TMCO4: variants seen among roughly 807,000 people sequenced by gnomAD.
TMCO4 encodes transmembrane and coiled-coil domains 4.
In TMCO4, 58 loss-of-function variants were observed where a neutral mutation model predicts 64.7. The ratio of observed to expected loss-of-function variants is 0.90; its 90% confidence interval spans 0.73 to 1.12. The LOEUF is 1.12. Ranked by LOEUF, TMCO4 falls within the 50% of genes most tolerant of loss-of-function variation. The pLI, the probability that TMCO4 is intolerant of heterozygous loss-of-function variation, is 0.00. For missense variants in TMCO4, 780 were observed against 825.9 expected (o/e 0.94, Z 0.68); for synonymous variants, 325 against 346.1 (o/e 0.94, Z 0.68).
At chr1:19,770,618 A>G in intron 5 of TMCO4, 49 bp from the exon 6 acceptor site, 1 of 1,581,314 alleles carries the variant, frequency 6.3e-7, no homozygotes, top group Middle Eastern at 1.7e-4. Context: ...TATACGATAC[A>G]GCGCGCTCAT....
chr1:19,759,958 T>G (rs111378424), intron 6 of TMCO4, among the ~76,000 whole-genome samples: 5 of 152,318 alleles, frequency 3.3e-5, no homozygotes, highest in African/African-American at 1.2e-4. Flanking sequence ...GCCAGGGTTC[T>G]GTGCTGTGGC....
chr1:19,734,801 C>A lies in TMCO4; in HGVS notation c.1264+2571G>T. On this transcript the variant is annotated intron_variant, in intron 13 of 15. Transcript: ENST00000294543. The surrounding 1 kb of genome is among the most constrained non-coding windows in gnomAD (Gnocchi z 4.4). ...CCCTGGGCCTGAATCCTGGCTCTGG[C>A]ACTTAGGATTCTTGTGGCTTCACCT... Among the ~76,000 whole-genome samples, 1 of 152,126 alleles carries A rather than the reference C, an allele frequency of 6.6e-6. No homozygotes were observed. The highest frequency in any genetic ancestry group is 1.9e-4 in the East Asian group (1 of 5,176).
intron 13 of TMCO4, among the ~76,000 whole-genome samples, chr1:19,720,606 T>C (rs537924588): frequency 2.8e-4 from 43 of 152,222 alleles, no homozygotes; most frequent in Non-Finnish European, 4.7e-4. Flanking sequence ...TGCCTGCAAA[T>C]CTTTTGGGGG....
At chr1:19,749,378 C>G (rs1283894032) in intron 7 of TMCO4, among the ~76,000 whole-genome samples, 1 of 149,878 alleles carries the variant, frequency 6.7e-6, no homozygotes, top group African/African-American at 2.5e-5. Flanking sequence ...TTTTCCCTTT[C>G]TTTTTTTGAG....
At chr1:19,784,265 A>G (rs897037898) in intron 3 of TMCO4, among the ~76,000 whole-genome samples, 12 of 152,278 alleles carry the variant, frequency 7.9e-5, no homozygotes, top group South Asian at 2.1e-4. Flanking sequence ...TGGGCGCGGT[A>G]GCTCACGCCT....
At chr1:19,726,363 C>T (rs2095408790) in intron 13 of TMCO4, among the ~76,000 whole-genome samples, 1 of 152,084 alleles carries the variant, frequency 6.6e-6, no homozygotes, top group South Asian at 2.1e-4. Context: ...CTGGGCAAAT[C>T]CCTTCGGCTC....
At chr1:19,715,638 C>T (rs1319065884) in intron 13 of TMCO4, among the ~76,000 whole-genome samples, 1 of 152,226 alleles carries the variant, frequency 6.6e-6, no homozygotes, top group Non-Finnish European at 1.5e-5. Context: ...TGCACGAGCC[C>T]TCAAGGAAAG....
intron 6 of TMCO4, 122 bp downstream of exon 6, chr1:19,770,420 C>T (rs1570970388): frequency 2.9e-6 from 3 of 1,029,290 alleles, no homozygotes; most frequent in African/African-American, 1.6e-5. Flanking sequence ...AGGTTCCTTT[C>T]CTTCCTGAAG....
rs139210858 is a variant in TMCO4 at position 19,724,854 on chromosome 1, C to T, written c.1264+12518G>A. ...TCTGCTCACTGCAACCTCCGCCTCCCAGGTTCAAGCAATTCTCCTGCCTCA... is the reference window on the plus strand; with the variant it reads ...TCTGCTCACTGCAACCTCCGCCTCCTAGGTTCAAGCAATTCTCCTGCCTCA... On this transcript the variant is annotated intron_variant, in intron 13 of 15. Transcript: ENST00000294543. 6.2e-4 allele frequency among the ~76,000 whole-genome samples: 94 copies of T among 152,288 alleles called. 2 individuals carry two copies. The East Asian group carries it at 0.017, about 27-fold the overall frequency.
At chr1:19,721,859 A>G (rs1222154036) in intron 13 of TMCO4, among the ~76,000 whole-genome samples, 1 of 152,168 alleles carries the variant, frequency 6.6e-6, no homozygotes, top group East Asian at 1.9e-4. Context: ...TCCAGGGCCA[A>G]ACCTGGAAAT....
chr1:19,797,051 CA>C (rs780947450), intron 2 of TMCO4, among the ~76,000 whole-genome samples: 10 of 152,200 alleles, frequency 6.6e-5, no homozygotes, highest in Non-Finnish European at 1.2e-4. Flanking sequence ...CTGAATGAAA[CA>C]ACCCACAACT....
Position 19,777,593 on chromosome 1 carries a change from C to T in TMCO4, c.179+2987G>A, listed in dbSNP as rs2043266403. Among the ~76,000 whole-genome samples, 6 of 152,200 alleles carry T rather than the reference C, an allele frequency of 3.9e-5. No individual in the cohort carries two copies. In the South Asian group the frequency reaches 8.3e-4, roughly 21 times the overall value. On this transcript the variant is annotated intron_variant, in intron 4 of 15. Coordinates refer to ENST00000294543, the MANE Select transcript of TMCO4 (RefSeq NM_181719.7). ...TGAACTCTTGGCCTCATGTGATCTA[C>T]ATGCCTCGGCCTCCCAAAGTGTTGG...
chr1:19,777,280 C>T (rs766914547), intron 4 of TMCO4, among the ~76,000 whole-genome samples: 48 of 151,726 alleles, frequency 3.2e-4, no homozygotes, highest in Non-Finnish European at 5.9e-4. Context: ...ATGTATGGAG[C>T]TGCAGCAGCT....
chr1:19,739,800 G>T, intron 12 of TMCO4, 24 bp downstream of exon 12: 1 of 1,608,514 alleles, frequency 6.2e-7, no homozygotes, highest in East Asian at 2.2e-5. Context: ...TCAATGCCAC[G>T]CCCACACAGC....
Position 19,763,532 on chromosome 1 carries a change from A to G in TMCO4, c.382+7010T>C, listed in dbSNP as rs564983021. Among the ~76,000 whole-genome samples, 19 of 152,162 alleles carry G rather than the reference A, an allele frequency of 1.2e-4. No individual in the cohort carries two copies. The South Asian group carries it at 3.7e-3, about 30-fold the overall frequency. On this transcript the variant is annotated intron_variant, in intron 6 of 15. Transcript: ENST00000294543. Reference sequence around the variant, plus strand: ...ATGTTTCCTCCTTCCTGTACCTGTTAAGAAGCCACTCTCTGAGCCAGGGTG... The same window carrying G: ...ATGTTTCCTCCTTCCTGTACCTGTTGAGAAGCCACTCTCTGAGCCAGGGTG...
chr1:19,699,317 C>T (rs1008326655), intron 14 of TMCO4, among the ~76,000 whole-genome samples: 4 of 151,906 alleles, frequency 2.6e-5, no homozygotes, highest in Admixed American at 2.0e-4. Context: ...TTAATCTTCC[C>T]AGAACCTCTG....
intron 13 of TMCO4, among the ~76,000 whole-genome samples, chr1:19,707,484 G>A (rs753461237): frequency 2.0e-5 from 3 of 152,168 alleles, no homozygotes; most frequent in Non-Finnish European, 4.4e-5. Context: ...TTATCCCGGG[G>A]TGGTGGCACA....
Position 19,743,181 on chromosome 1 carries a change from CCTGACT to C in TMCO4, c.878-2246_878-2241del, listed in dbSNP as rs2041603340. Among the ~76,000 whole-genome samples the C allele has an allele frequency of 6.6e-6, 1 of 152,172 alleles. No individual in the cohort carries two copies. The highest frequency in any genetic ancestry group is 2.4e-5 in the African/African-American group (1 of 41,436). On this transcript the variant is annotated intron_variant, in intron 10 of 15. Transcript: ENST00000294543. This position sits in a 1 kb window ranked among gnomAD's most constrained non-coding sequence, Gnocchi z 4.1. ...AATGGGGGTGAATCCTGCCCCTGCC[CCTGACT>C]AGCTGGGTGACCCTGGGCACCCCTT... is the stretch of plus-strand genomic sequence containing the variant.
At position 19,693,178 on chromosome 1, in the gene TMCO4, A is replaced by C. The variant is rs1265758344; in HGVS notation, c.1500+1256T>G. The stretch of plus-strand genomic sequence containing the variant: ...AGACCCCATCTCAAAAAAAAAAAAA[A>C]AAAAAAAAAAAAAAAAAAAAAAGGC... On this transcript the variant is annotated intron_variant, in intron 15 of 15. Coordinates refer to ENST00000294543, the MANE Select transcript of TMCO4 (RefSeq NM_181719.7). 5.4e-3 allele frequency among the ~76,000 whole-genome samples: 684 copies of C among 125,872 alleles called. 20 individuals are homozygous for C. Among genetic ancestry groups the C allele is most frequent in the South Asian group, 0.013 (50 of 3,746 alleles). The allele number at this position is 125,872 out of a possible 152,430, so 82.6% of individuals were successfully genotyped here.
Sources: allele counts gnomAD v4.1 joint callset (sites outside exome capture counted in the v4.1 genomes callset), GRCh38; gene constraint gnomAD v4.1.1; non-coding constraint Gnocchi (gnomAD v3.1); transcripts MANE v1.5; gene names NCBI Gene and HGNC (gene_info 2026-07-23, HGNC 2026-07-21).